Variants in ZBTB7C observed in about 807,000 individuals in gnomAD.
ZBTB7C encodes zinc finger and BTB domain-containing protein 7C.
Under a neutral mutation model 25.7 loss-of-function variants are expected in ZBTB7C, and 8 were observed. The ratio of observed to expected loss-of-function variants is 0.31; its 90% CI spans 0.18 to 0.56. The LOEUF is 0.56. Among genes scored for constraint, ZBTB7C ranks in the 20% least tolerant of loss-of-function variants. ZBTB7C has a pLI of 0.91. For synonymous variants in ZBTB7C, 394 were observed against 369.0 expected, an observed-to-expected ratio of 1.07 and a Z score of -0.78; for missense variants, 824 against 855.2, an observed-to-expected ratio of 0.96 and a Z score of 0.46.
At chr18:48,227,019 C>CA (rs1187830776) in intron 2 of ZBTB7C, among the ~76,000 whole-genome samples, 1,130 of 55,042 alleles carry the variant, frequency 0.021, 13 homozygotes, top group East Asian at 0.066. Flanking sequence ...GACTCCATCT[C>CA]AAAAAAAAAA....
intron 2 of ZBTB7C, among the ~76,000 whole-genome samples, chr18:48,311,408 T>C (rs6507840): frequency 1 from 152,141 of 152,306 alleles, 75,989 homozygotes; most frequent in Non-Finnish European, 1. Context: ...GGGTCTGTTA[T>C]AGTCACTCTC....
chr18:48,153,375 G>A (rs2040737083), intron 3 of ZBTB7C, among the ~76,000 whole-genome samples: 1 of 152,132 alleles, frequency 6.6e-6, no homozygotes, highest in Admixed American at 6.5e-5. Context: ...CTAATAGAGG[G>A]AGAGGAGCTA....
At chr18:48,325,669 T>C (rs556493706) in intron 2 of ZBTB7C, among the ~76,000 whole-genome samples, 1 of 152,352 alleles carries the variant, frequency 6.6e-6, no homozygotes, top group South Asian at 2.1e-4. Flanking sequence ...AAGTGACTTT[T>C]GATTTGATAT....
intron 4 of ZBTB7C, among the ~76,000 whole-genome samples, chr18:48,033,660 T>C (rs928975386): frequency 3.3e-5 from 5 of 152,144 alleles, no homozygotes; most frequent in African/African-American, 7.2e-5. Flanking sequence ...ATGGTCTGAG[T>C]CAGTGGGCCC....
chr18:48,276,274 CTTT>C (rs555046633), intron 2 of ZBTB7C, among the ~76,000 whole-genome samples: 7 of 140,208 alleles, frequency 5.0e-5, no homozygotes, highest in Non-Finnish European at 1.1e-4. Context: ...AGCTTTCTCT[CTTT>C]TTTTTTTTTT....
chr18:48,402,165 A>C (rs1403083051), intron 1 of ZBTB7C, among the ~76,000 whole-genome samples: 3 of 152,124 alleles, frequency 2.0e-5, no homozygotes, highest in Non-Finnish European at 4.4e-5. Context: ...GGGCTCCTGC[A>C]GGAGTGAAGA....
At chr18:48,041,523 G>A (rs1015368206) in intron 3 of ZBTB7C, 14 of 985,270 alleles carry the variant, frequency 1.4e-5, no homozygotes, top group African/African-American at 1.7e-5. Context: ...GTGGGGCAAG[G>A]ACCTCTCAGT....
rs569719365 is a variant in ZBTB7C, at chr18:48,218,366, T to C, written c.-78-32371A>G. 1.6e-4 allele frequency among the ~76,000 whole-genome samples: 24 copies of C among 152,310 alleles called. 1 individual carries two copies. Among genetic ancestry groups the C allele is most frequent in the Admixed American group, 1.2e-3 (18 of 15,308 alleles). Reference sequence around the variant, plus strand: ...CTGCTCTCTCCCAGGAGGTGCTGCCTCTGCCCCCAGGTATTCCCTCCTAGA... The same window carrying C: ...CTGCTCTCTCCCAGGAGGTGCTGCCCCTGCCCCCAGGTATTCCCTCCTAGA... On this transcript the variant is annotated intron_variant, in intron 2 of 4. Coordinates refer to ENST00000590800, the MANE Select transcript of ZBTB7C (RefSeq NM_001318841.2).
chr18:48,392,172 G>A (rs2047918249), intron 1 of ZBTB7C, among the ~76,000 whole-genome samples: 1 of 152,180 alleles, frequency 6.6e-6, no homozygotes, highest in Admixed American at 6.5e-5. Context: ...TTAAATCAGA[G>A]GGCAAGACTG....
intron 2 of ZBTB7C, among the ~76,000 whole-genome samples, chr18:48,191,380 A>AT (rs1461243016): frequency 6.6e-6 from 1 of 152,158 alleles, no homozygotes; most frequent in Non-Finnish European, 1.5e-5. Flanking sequence ...TCTGCGTCAG[A>AT]TTTTTACCAG....
chr18:48,201,367 G>T (rs182430635), intron 2 of ZBTB7C, among the ~76,000 whole-genome samples: 1 of 152,340 alleles, frequency 6.6e-6, no homozygotes, highest in Non-Finnish European at 1.5e-5. Context: ...GGGGACGGTA[G>T]GCCCCAGGAG....
chr18:48,029,403 G>A lies in ZBTB7C; in HGVS notation c.1717C>T (p.Leu573Phe). ...QLEAERNAGG[L>F]LAFALAENVA... The stretch of plus-strand genomic sequence containing the variant: ...TTCTCGGCCAGCGCGAAGGCCAGGA[G>A]GCCCCCCGCGTTCCTCTCAGCCTCC... The change falls in exon 5 of 5, where the codon CTC becomes TTC. Residue 573 changes from leucine to phenylalanine, a missense_variant. By Grantham distance (22) the Leu-to-Phe change is conservative. Around this residue, in one of 4 missense-constraint regions of ZBTB7C, gnomAD observed 342 missense variants for 307.0 expected, o/e 1.11. Coordinates refer to ENST00000590800, the MANE Select transcript of ZBTB7C (RefSeq NM_001318841.2). 6.4e-7 allele frequency: 1 copy of A among 1,570,578 alleles called. No individual in the cohort carries two copies. Among genetic ancestry groups the A allele is most frequent in the East Asian group, 2.4e-5 (1 of 42,226 alleles).
At chr18:48,062,179 T>C (rs2144330085) in intron 3 of ZBTB7C, among the ~76,000 whole-genome samples, 1 of 152,336 alleles carries the variant, frequency 6.6e-6, no homozygotes, top group East Asian at 1.9e-4. Flanking sequence ...TGCTTCAATA[T>C]TGCTATAACT....
chr18:48,378,646 C>G (rs143774962), intron 1 of ZBTB7C, among the ~76,000 whole-genome samples: 7 of 151,502 alleles, frequency 4.6e-5, no homozygotes, highest in South Asian at 4.2e-4. Flanking sequence ...CAACAGAGAC[C>G]AAAACAAACA....
intron 1 of ZBTB7C, among the ~76,000 whole-genome samples, chr18:48,360,487 CGT>C (rs1335348645): frequency 1.3e-5 from 2 of 152,144 alleles, no homozygotes; most frequent in Non-Finnish European, 2.9e-5. Context: ...ATGAGAGGAG[CGT>C]GGGAAGAGAT....
intron 3 of ZBTB7C, among the ~76,000 whole-genome samples, chr18:48,141,873 A>G (rs1206130891): frequency 6.6e-6 from 1 of 152,088 alleles, no homozygotes; most frequent in Non-Finnish European, 1.5e-5. Flanking sequence ...TCTGAACTCC[A>G]CTGTTTGCAT....
intron 1 of ZBTB7C, among the ~76,000 whole-genome samples, chr18:48,378,681 G>A: frequency 6.6e-6 from 1 of 151,454 alleles, no homozygotes; most frequent in East Asian, 1.9e-4. Context: ...GAGACTGCAG[G>A]AAGAAAAAAA....
In ZBTB7C at chr18:48,347,506, G is replaced by A. The variant is rs930145631; in HGVS notation, c.-303-9108C>T. Among the ~76,000 whole-genome samples, 13 of 152,072 alleles carry A rather than the reference G, an allele frequency of 8.5e-5. No homozygotes were observed. The East Asian group carries it at 1.2e-3, about 14-fold the overall frequency. On this transcript the variant is annotated intron_variant, in intron 1 of 4. Coordinates refer to ENST00000590800, the MANE Select transcript of ZBTB7C (RefSeq NM_001318841.2). ...GCAGAACTGACTGGCAGAGCAACAC[G>A]TGTGCACCCACTCCCTCCTCTCCCC...
chr18:48,297,796 G>A (rs959404369), intron 2 of ZBTB7C, among the ~76,000 whole-genome samples: 5 of 152,174 alleles, frequency 3.3e-5, no homozygotes, highest in African/African-American at 4.8e-5. Context: ...CTGTTTACAC[G>A]CTCATTAAGA....
Sources: gnomAD v4.1 joint callset for allele counts (sites outside exome capture counted in the v4.1 genomes callset) on GRCh38, gnomAD v4.1.1 for gene constraint, gnomAD v4.1.1 regional missense constraint, MANE v1.5 for transcripts, NCBI Gene and HGNC (gene_info 2026-07-23, HGNC 2026-07-21) for gene names.